CLIC5: variants seen among roughly 807,000 people sequenced by gnomAD.
CLIC5 encodes chloride intracellular channel protein 5.
A neutral mutation model predicts 24.7 loss-of-function variants in CLIC5; 20 were observed. The ratio of observed to expected loss-of-function variants is 0.81; its 90% confidence interval spans 0.57 to 1.18. The LOEUF is 1.18. Among genes scored for constraint, CLIC5 ranks in the 50% most tolerant of loss-of-function variants. CLIC5 has a pLI of 0.00. For synonymous variants in CLIC5, 159 were observed against 135.6 expected (o/e 1.17, Z -1.20); for missense variants, 341 against 326.1 (o/e 1.05, Z -0.35).
the CLIC5 span, among the ~76,000 whole-genome samples, chr6:46,124,512 A>G: frequency 6.6e-6 from 1 of 152,242 alleles, no homozygotes; most frequent in Admixed American, 6.5e-5. Context: ...GGACATAGGC[A>G]TGGGCAAGGA....
At chr6:46,029,765 G>T (rs538113651) in intron 1 of CLIC5, among the ~76,000 whole-genome samples, 1 of 152,172 alleles carries the variant, frequency 6.6e-6, no homozygotes, top group South Asian at 2.1e-4. Flanking sequence ...GCAAACTACT[G>T]TTGGGCTGCA....
chr6:45,911,790 A>G (rs3088356), intron 5 of CLIC5: 772,083 of 985,114 alleles, frequency 0.78, 302,738 homozygotes, highest in African/African-American at 0.86. Flanking sequence ...GATCCCAGTG[A>G]GCAAGGAAAG....
At chr6:45,952,530 A>G (rs1478047691) in intron 2 of CLIC5, among the ~76,000 whole-genome samples, 10 of 152,266 alleles carry the variant, frequency 6.6e-5, no homozygotes, top group Non-Finnish European at 1.2e-4. Context: ...TCCATTGTAC[A>G]GATGAGGAAA....
Position 45,900,961 on chromosome 6 carries a change from T to A in CLIC5, c.*2127A>T, listed in dbSNP as rs1180340559. 1 of 152,238 alleles carries A rather than the reference T, an allele frequency of 6.6e-6. No individual in the cohort carries two copies. Among genetic ancestry groups the A allele is most frequent in the Admixed American group, 6.5e-5 (1 of 15,288 alleles). 9.4% of individuals were successfully genotyped at this position (152,238 alleles called of 1,614,324 possible). ...TCACCGGAGGCTTGGTTCTGTTTTC[T>A]CTGTGGCAATTGGCTATGATTCACA... On this transcript the variant is annotated 3_prime_UTR_variant, in exon 6 of 6. Transcript: ENST00000339561.
At chr6:45,911,574 C>A (rs1448269102) in intron 5 of CLIC5, 2 of 981,964 alleles carry the variant, frequency 2.0e-6, no homozygotes, top group African/African-American at 3.5e-5. Context: ...ATAAAGGGAT[C>A]CAAAAGTATT....
rs1300243098 is a variant in CLIC5 at position 46,001,782 on chromosome 6, C to G, written c.63+13698G>C. Among the ~76,000 whole-genome samples, 4 of 152,282 alleles carry G rather than the reference C, an allele frequency of 2.6e-5. No homozygotes were observed. In the East Asian group the frequency reaches 7.7e-4, roughly 29 times the overall value. On this transcript the variant is annotated intron_variant, in intron 1 of 5. Transcript: ENST00000339561. Reference sequence around the variant, plus strand: ...TTCCATGGGACCTTGAGCAAAACACCTAACCTTTCTGAAGCCAGATTTCGC... The same window carrying G: ...TTCCATGGGACCTTGAGCAAAACACGTAACCTTTCTGAAGCCAGATTTCGC...
chr6:45,882,625 AT>A (rs1298928808), intron 6 of CLIC5, among the ~76,000 whole-genome samples: 3 of 152,238 alleles, frequency 2.0e-5, no homozygotes, highest in Non-Finnish European at 2.9e-5. Flanking sequence ...TAATAGTAAG[AT>A]ACGCATGTGT....
chr6:45,940,619 A>G (rs1267856106), intron 4 of CLIC5, among the ~76,000 whole-genome samples: 1 of 152,188 alleles, frequency 6.6e-6, no homozygotes, highest in Non-Finnish European at 1.5e-5. Context: ...TTGTTCATTC[A>G]CAAAGATTCA....
chr6:45,935,131 T>C, intron 4 of CLIC5, among the ~76,000 whole-genome samples: 1 of 152,176 alleles, frequency 6.6e-6, no homozygotes. Flanking sequence ...AATGGCAGAT[T>C]GAGGGTAAGA....
intron 1 of CLIC5, among the ~76,000 whole-genome samples, chr6:46,073,323 TCA>T (rs1402957625): frequency 6.6e-6 from 1 of 152,010 alleles, no homozygotes; most frequent in Non-Finnish European, 1.5e-5. Context: ...CCCCTTACCC[TCA>T]CAAAATATAA....
At chr6:46,084,660 C>T (rs1326451715), upstream of CLIC5, among the ~76,000 whole-genome samples, 1 of 152,216 alleles carries the variant, frequency 6.6e-6, no homozygotes, top group Non-Finnish European at 1.5e-5. Context: ...GTCTGATGGG[C>T]TTCCCTTTGT....
chr6:45,925,127 C>T (rs1763428724), intron 4 of CLIC5, among the ~76,000 whole-genome samples: 1 of 152,294 alleles, frequency 6.6e-6, no homozygotes, highest in South Asian at 2.1e-4. Flanking sequence ...GCAAATTCCT[C>T]TTAAGAAGTA....
Position 45,902,461 on chromosome 6 carries a change from A to T in CLIC5, c.*627T>A, listed in dbSNP as rs1186981497. On this transcript the variant is annotated 3_prime_UTR_variant, in exon 6 of 6. Coordinates refer to ENST00000339561, the MANE Select transcript of CLIC5 (RefSeq NM_016929.5). ...GCCAGGTGCGCAGCAGCAGCAGCGCAGCATTCCTGGCACTGCAACAAACTG... is the reference window on the plus strand; with the variant it reads ...GCCAGGTGCGCAGCAGCAGCAGCGCTGCATTCCTGGCACTGCAACAAACTG... 1 of 153,494 alleles carries T rather than the reference A, an allele frequency of 6.5e-6. No homozygotes were observed. Among genetic ancestry groups the T allele is most frequent in the Non-Finnish European group, 1.5e-5 (1 of 68,616 alleles). The allele number at this position is 153,494 out of a possible 1,614,324, so 9.5% of individuals were successfully genotyped here.
At chr6:45,968,358 C>A (rs1026989341) in intron 1 of CLIC5, among the ~76,000 whole-genome samples, 10 of 152,080 alleles carry the variant, frequency 6.6e-5, no homozygotes, top group Non-Finnish European at 1.5e-4. Flanking sequence ...ATGTAAGCAA[C>A]GAGATGAAGC....
At chr6:46,095,936 C>T in the CLIC5 span, among the ~76,000 whole-genome samples, 3 of 152,128 alleles carry the variant, frequency 2.0e-5, no homozygotes, top group Admixed American at 1.3e-4. Flanking sequence ...TTAGTCTGTT[C>T]TTGTACTGCT....
chr6:46,090,946 C>A, the CLIC5 span, among the ~76,000 whole-genome samples: 5 of 152,142 alleles, frequency 3.3e-5, no homozygotes, highest in African/African-American at 4.8e-5. Flanking sequence ...TCAAATAAGG[C>A]AAACAACAAG....
chr6:46,124,674 T>A, the CLIC5 span, among the ~76,000 whole-genome samples: 1 of 152,080 alleles, frequency 6.6e-6, no homozygotes, highest in Non-Finnish European at 1.5e-5. Flanking sequence ...TGCAATCTAC[T>A]CATCTGACAA....
upstream of CLIC5, among the ~76,000 whole-genome samples, chr6:46,083,004 C>T (rs563652823): frequency 4.6e-5 from 7 of 152,260 alleles, no homozygotes; most frequent in African/African-American, 9.6e-5. Flanking sequence ...TGAATGAATA[C>T]GTATTTGTTG....
At chr6:46,027,287 C>G (rs1223232801) in intron 1 of CLIC5, among the ~76,000 whole-genome samples, 1 of 152,172 alleles carries the variant, frequency 6.6e-6, no homozygotes, top group African/African-American at 2.4e-5. Context: ...GACATTTAAG[C>G]CCAGACCTGA....
Sources: allele counts gnomAD v4.1 joint callset (sites outside exome capture counted in the v4.1 genomes callset), GRCh38; gene constraint gnomAD v4.1.1; transcripts MANE v1.5; gene names NCBI Gene and HGNC (gene_info 2026-07-23, HGNC 2026-07-21).